EXOSC5: variants seen among roughly 807,000 people sequenced by gnomAD.
The protein encoded by EXOSC5 is exosome component 5, also known as exosome complex component RRP46.
In EXOSC5, 15 loss-of-function variants were observed where a neutral mutation model predicts 23.7. That is an observed-to-expected ratio of 0.63 (90% confidence interval 0.42 to 0.97). The LOEUF (loss-of-function observed/expected upper bound fraction) is 0.97, where lower values mean the gene tolerates loss of function less well. Ranked by LOEUF, EXOSC5 falls within the 50% of genes least tolerant of loss-of-function variation. The pLI, the probability that EXOSC5 is intolerant of heterozygous loss-of-function variation, is 0.00. For missense variants in EXOSC5, 305 were observed against 316.3 expected (o/e 0.96, Z 0.27); for synonymous variants, 143 against 140.9 (o/e 1.02, Z -0.11).
chr19:41,396,037 C>T (rs2039060134), intron 1 of EXOSC5, among the ~76,000 whole-genome samples: 1 of 152,122 alleles, frequency 6.6e-6, no homozygotes, highest in African/African-American at 2.4e-5. Flanking sequence ...GCTGGAGCCA[C>T]CATCACCTCC....
At chr19:41,391,780 T>C in intron 3 of EXOSC5, 61 bp downstream of exon 3, 1 of 1,460,526 alleles carries the variant, frequency 6.8e-7, no homozygotes, top group Non-Finnish European at 9.0e-7. Flanking sequence ...GGTATATGTA[T>C]CCGCCAGGAG....
chr19:41,387,496 T>G lies in EXOSC5; in HGVS notation c.615+18A>C, dbSNP rs1036153412. 3 of 1,573,294 alleles carry G rather than the reference T, an allele frequency of 1.9e-6. No homozygotes were observed. In the African/African-American group the frequency reaches 4.1e-5, roughly 21 times the overall value. Reference sequence around the variant, plus strand: ...GGAAGGAAGGTTCTGGCTTTTCCCCTCATCCCCATGCTGGTACCTCAGTGT... The same window carrying G: ...GGAAGGAAGGTTCTGGCTTTTCCCCGCATCCCCATGCTGGTACCTCAGTGT... On this transcript the variant is annotated intron_variant, in intron 5 of 5. Coordinates refer to ENST00000221233, the MANE Select transcript of EXOSC5 (RefSeq NM_020158.4).
At position 41,387,527 on chromosome 19, in the gene EXOSC5, T is replaced by C; in HGVS notation, c.602A>G (p.Tyr201Cys). The change falls in exon 5 of 6, where the codon TAC becomes TGC. Residue 201 changes from tyrosine (Y) to cysteine (C), a missense_variant. By Grantham distance (194) the Tyr-to-Cys change is radical. Coordinates refer to ENST00000221233, the MANE Select transcript of EXOSC5 (RefSeq NM_020158.4). ...KLLMSSTKGL[Y>C]SDTELQQCLA... is the part of the protein sequence containing the mutation. ...CCATGCTGGTACCTCAGTGTCTGAG[T>C]AGAGCCCCTTGGTGCTGGACATCAG... is the stretch of plus-strand genomic sequence containing the variant. 2 of 1,602,242 alleles carry C rather than the reference T, an allele frequency of 1.2e-6. No homozygotes were observed. Among genetic ancestry groups the C allele is most frequent in the Non-Finnish European group, 1.7e-6 (2 of 1,175,130 alleles).
chr19:41,392,021 T>A, intron 2 of EXOSC5, 59 bp from the exon 3 acceptor site: 1 of 1,542,904 alleles, frequency 6.5e-7, no homozygotes, highest in Non-Finnish European at 8.6e-7. Context: ...CCTTCCTCCA[T>A]ACGCCTCACC....
intron 1 of EXOSC5, among the ~76,000 whole-genome samples, chr19:41,396,599 G>C (rs1161210236): frequency 6.8e-6 from 1 of 148,080 alleles, no homozygotes; most frequent in Non-Finnish European, 1.5e-5. Context: ...TTGCTCTATA[G>C]GTAAGACTTG....
At chr19:41,397,027 T>A (rs1457662377) in intron 1 of EXOSC5, among the ~76,000 whole-genome samples, 154 bp downstream of exon 1, 6 of 152,182 alleles carry the variant, frequency 3.9e-5, no homozygotes, top group South Asian at 4.1e-4. Context: ...GAGATGTGTG[T>A]ATCCCTGCGT....
At chr19:41,393,019 C>T in intron 1 of EXOSC5, 39 bp from the exon 2 acceptor site, 2 of 1,591,782 alleles carry the variant, frequency 1.3e-6, no homozygotes, top group Non-Finnish European at 1.7e-6. Flanking sequence ...CACAGCTTCC[C>T]TGCTCCTGGG....
In EXOSC5 at chr19:41,386,533, C is replaced by T. The variant is rs1269773700; in HGVS notation, c.*100G>A. ...GTTACAGAGCTGCAGGCTCAAGGAGCCCATGGGTCAGAGAGGCAAGGCTGG... is the reference window on the plus strand; with the variant it reads ...GTTACAGAGCTGCAGGCTCAAGGAGTCCATGGGTCAGAGAGGCAAGGCTGG... On this transcript the variant is annotated 3_prime_UTR_variant, in exon 6 of 6. Coordinates refer to ENST00000221233, the MANE Select transcript of EXOSC5 (RefSeq NM_020158.4). 3 of 1,198,122 alleles carry T rather than the reference C, an allele frequency of 2.5e-6. No homozygotes were observed. The highest frequency in any genetic ancestry group is 2.6e-5 in the East Asian group (1 of 38,860). 74.2% of individuals were successfully genotyped at this position (1,198,122 alleles called of 1,614,324 possible). A position where few individuals can be genotyped will look rare whatever the true frequency, so the allele number is the denominator to read the frequency against.
intron 3 of EXOSC5, chr19:41,391,568 A>G: frequency 2.6e-6 from 1 of 386,644 alleles, no homozygotes; most frequent in Non-Finnish European, 4.6e-6. Context: ...CGTGGGCTCT[A>G]GAACTAGACG....
intron 4 of EXOSC5, among the ~76,000 whole-genome samples, chr19:41,387,974 ACACACTTGCAGCCAGT>A (rs1041926749): frequency 3.9e-5 from 6 of 152,082 alleles, no homozygotes; most frequent in African/African-American, 1.4e-4. Context: ...CCTTCCCACC[ACACACTTGCAGCCAGT>A]CCCACTGAGG....
intron 1 of EXOSC5, among the ~76,000 whole-genome samples, chr19:41,395,146 G>A (rs1042929441): frequency 4.6e-5 from 7 of 151,850 alleles, no homozygotes; most frequent in South Asian, 2.1e-4. Context: ...TCTTACGTTC[G>A]AAGAAACTTT....
intron 3 of EXOSC5, 25 bp from the exon 4 acceptor site, chr19:41,389,930 G>GT (rs764956870): frequency 1.7e-5 from 27 of 1,552,484 alleles, no homozygotes; most frequent in South Asian, 8.5e-5. Context: ...AAATGGTTAA[G>GT]TTTCTTTTTT....
chr19:41,390,362 C>A (rs561596541), intron 3 of EXOSC5, among the ~76,000 whole-genome samples: 3 of 152,150 alleles, frequency 2.0e-5, no homozygotes, highest in African/African-American at 7.2e-5. Flanking sequence ...AAAAGTGGTC[C>A]GGGGATCAAG....
At position 41,386,532 on chromosome 19, in the gene EXOSC5, G is replaced by T; in HGVS notation, c.*101C>A. On this transcript the variant is annotated 3_prime_UTR_variant, in exon 6 of 6. Coordinates refer to ENST00000221233, the MANE Select transcript of EXOSC5 (RefSeq NM_020158.4). ...GGTTACAGAGCTGCAGGCTCAAGGAGCCCATGGGTCAGAGAGGCAAGGCTG... is the reference window on the plus strand; with the variant it reads ...GGTTACAGAGCTGCAGGCTCAAGGATCCCATGGGTCAGAGAGGCAAGGCTG... The T allele has an allele frequency of 1.7e-6, 2 of 1,182,880 alleles. No individual in the cohort carries two copies. Among genetic ancestry groups the T allele is most frequent in the Non-Finnish European group, 2.4e-6 (2 of 838,488 alleles). 73.3% of individuals were successfully genotyped at this position (1,182,880 alleles called of 1,614,324 possible). A position where few individuals can be genotyped will look rare whatever the true frequency, so the allele number is the denominator to read the frequency against.
At chr19:41,392,796 G>A in intron 2 of EXOSC5, 71 bp downstream of exon 2, 2 of 1,409,812 alleles carry the variant, frequency 1.4e-6, no homozygotes, top group Non-Finnish European at 2.0e-6. Context: ...CGGGGCAGCT[G>A]GTAGGGAGGA....
chr19:41,394,664 C>T (rs898906480), intron 1 of EXOSC5, among the ~76,000 whole-genome samples: 2 of 152,090 alleles, frequency 1.3e-5, no homozygotes, highest in African/African-American at 4.8e-5. Context: ...ATTACAGGTG[C>T]GTGCTACCAC....
chr19:41,395,599 T>G (rs2039056206), intron 1 of EXOSC5, among the ~76,000 whole-genome samples: 2 of 152,204 alleles, frequency 1.3e-5, no homozygotes, highest in South Asian at 2.1e-4. Flanking sequence ...TCAGTAAGGC[T>G]GAAACAGCTG....
At chr19:41,394,818 G>A (rs948283137) in intron 1 of EXOSC5, among the ~76,000 whole-genome samples, 2 of 152,000 alleles carry the variant, frequency 1.3e-5, no homozygotes, top group African/African-American at 4.8e-5. Flanking sequence ...GTGGATCACA[G>A]GGTCAGGAGT....
intron 1 of EXOSC5, among the ~76,000 whole-genome samples, chr19:41,396,617 CTTTTTTT>C (rs60285872): frequency 1.2e-4 from 16 of 130,178 alleles, no homozygotes; most frequent in East Asian, 2.3e-4. Context: ...TTGCCCTAAT[CTTTTTTT>C]TTTTTTTTTT....
Sources: gnomAD v4.1 joint callset for allele counts (sites outside exome capture counted in the v4.1 genomes callset) on GRCh38, gnomAD v4.1.1 for gene constraint, MANE v1.5 for transcripts, NCBI Gene and HGNC (gene_info 2026-07-23, HGNC 2026-07-21) for gene names.